PLGLB1: variants seen among roughly 807,000 people sequenced by gnomAD.
PLGLB1 encodes the protein plasminogen-like protein B.
rs202037592 is a variant in PLGLB1, at chr2:87,020,805, A to T, written c.49+930T>A. On this transcript the variant is annotated intron_variant, in intron 1 of 3. Transcript: ENST00000355705. Reference sequence around the variant, plus strand: ...TTATATCTCAATAAAGCTTTTTTTTAAAAAAAGAAAAAGAAAAAGAACTAC... The same window carrying T: ...TTATATCTCAATAAAGCTTTTTTTTTAAAAAAGAAAAAGAAAAAGAACTAC... Among the ~76,000 whole-genome samples the T allele has an allele frequency of 3.8e-3, 560 of 146,210 alleles. 4 individuals are homozygous for T. The highest frequency in any genetic ancestry group is 0.012 in the South Asian group (57 of 4,794).
At chr2:87,017,198 G>A (rs1266652675) in intron 2 of PLGLB1, among the ~76,000 whole-genome samples, 2 of 140,218 alleles carry the variant, frequency 1.4e-5, no homozygotes, top group Non-Finnish European at 1.6e-5. Flanking sequence ...GCAGGCACTG[G>A]ATCTTGTAGC....
chr2:87,019,850 T>A lies in PLGLB1; in HGVS notation c.49+1885A>T, dbSNP rs1244695439. On this transcript the variant is annotated intron_variant, in intron 1 of 3. Coordinates refer to ENST00000355705, the MANE Select transcript of PLGLB1 (RefSeq NM_001032392.4). The stretch of plus-strand genomic sequence containing the variant: ...TAATTTGAAATAATTTTCCCCCATT[T>A]TTTTTTTCTCTTATTCACCTCTAGG... Among the ~76,000 whole-genome samples the A allele has an allele frequency of 2.6e-4, 24 of 91,990 alleles. 8 individuals carry two copies. The highest frequency in any genetic ancestry group is 3.5e-4 in the Non-Finnish European group (18 of 51,634). The allele number at this position is 91,990 out of a possible 152,430, so 60.3% of individuals were successfully genotyped here.
rs532348860 is a variant in PLGLB1 at position 87,021,227 on chromosome 2, G to A, written c.49+508C>T. 1.1e-3 allele frequency among the ~76,000 whole-genome samples: 97 copies of A among 87,392 alleles called. 1 individual carries two copies. The highest frequency in any genetic ancestry group is 1.8e-3 in the Non-Finnish European group (77 of 42,720). 57.3% of individuals were successfully genotyped at this position (87,392 alleles called of 152,430 possible). A position where few individuals can be genotyped will look rare whatever the true frequency, so the allele number is the denominator to read the frequency against. ...ATTTTTCCGGGGATTAGAGGCAAAC[G>A]TATACTGATGGAAAGCCTTCCTCAG... On this transcript the variant is annotated intron_variant, in intron 1 of 3. Transcript: ENST00000355705.
chr2:87,021,103 T>G (rs1682411875), intron 1 of PLGLB1, among the ~76,000 whole-genome samples: 1 of 135,586 alleles, frequency 7.4e-6, no homozygotes, highest in Non-Finnish European at 1.6e-5. Flanking sequence ...CACACAGGTA[T>G]GTATGTATGT....
Position 87,010,982 on chromosome 2 carries a change from C to T in PLGLB1, c.*2139G>A, listed in dbSNP as rs1370539046. 22 of 183,680 alleles carry T rather than the reference C, an allele frequency of 1.2e-4. 2 individuals carry two copies. The highest frequency in any genetic ancestry group is 4.5e-4 in the South Asian group (9 of 20,044). The allele number at this position is 183,680 out of a possible 1,614,324, so 11.4% of individuals were successfully genotyped here. On this transcript the variant is annotated 3_prime_UTR_variant, in exon 4 of 4. Coordinates refer to ENST00000355705, the MANE Select transcript of PLGLB1 (RefSeq NM_001032392.4). ...TCCTTTCCGAGAGGTGAACACGTTA[C>T]GCAATTATTAATAATATCCCTGTGG...
chr2:87,021,039 C>T (rs1408726640), intron 1 of PLGLB1, among the ~76,000 whole-genome samples: 13 of 150,738 alleles, frequency 8.6e-5, no homozygotes, highest in African/African-American at 2.9e-4. Context: ...CTACCTATAC[C>T]GCGAGCTAAA....
intron 1 of PLGLB1, among the ~76,000 whole-genome samples, chr2:87,020,929 T>G (rs1277897131): frequency 2.6e-5 from 4 of 151,694 alleles, no homozygotes; most frequent in African/African-American, 9.7e-5. Flanking sequence ...AATCCAGTTT[T>G]CTTTATTTCC....
intron 1 of PLGLB1, among the ~76,000 whole-genome samples, chr2:87,019,041 A>G (rs1682377470): frequency 9.5e-6 from 1 of 105,292 alleles, no homozygotes; most frequent in African/African-American, 4.8e-5. Context: ...TGGGTTATAG[A>G]GTGACGAGGA....
At chr2:87,019,637 GT>G (rs1167739208) in intron 1 of PLGLB1, among the ~76,000 whole-genome samples, 1 of 98,578 alleles carries the variant, frequency 1.0e-5, no homozygotes, top group Non-Finnish European at 1.9e-5. Context: ...TTTCTGAAGA[GT>G]TTTTTTGAAG....
Position 87,019,157 on chromosome 2 carries a change from A to T in PLGLB1, c.50-1469T>A, listed in dbSNP as rs2138304. Among the ~76,000 whole-genome samples the T allele has an allele frequency of 5.2e-3, 295 of 56,470 alleles. 102 individuals are homozygous for T. The highest frequency in any genetic ancestry group is 0.028 in the African/African-American group (271 of 9,840). 37.0% of individuals were successfully genotyped at this position (56,470 alleles called of 152,430 possible). A position where few individuals can be genotyped will look rare whatever the true frequency, so the allele number is the denominator to read the frequency against. ...TCTGAAAGATGACACACTGCAGAGC[A>T]CACTGGTTTGTATGCTGATGACAAA... On this transcript the variant is annotated intron_variant, in intron 1 of 3. Transcript: ENST00000355705.
Position 87,013,068 on chromosome 2 carries a change from A to G in PLGLB1, c.*53T>C, listed in dbSNP as rs1682259517. On this transcript the variant is annotated 3_prime_UTR_variant, in exon 4 of 4. Coordinates refer to ENST00000355705, the MANE Select transcript of PLGLB1 (RefSeq NM_001032392.4). ...GGTGATGCCATTTTTTGTTTTGGACATCGTCCCTCTGTAGTTCTTTCCATT... is the reference window on the plus strand; with the variant it reads ...GGTGATGCCATTTTTTGTTTTGGACGTCGTCCCTCTGTAGTTCTTTCCATT... The G allele has an allele frequency of 2.1e-6, 1 of 486,754 alleles. No individual in the cohort carries two copies. The highest frequency in any genetic ancestry group is 2.5e-5 in the Admixed American group (1 of 39,474). 30.2% of individuals were successfully genotyped at this position (486,754 alleles called of 1,614,324 possible).
intron 1 of PLGLB1, among the ~76,000 whole-genome samples, chr2:87,019,065 G>A (rs1266476130): frequency 1.2e-4 from 13 of 109,402 alleles, no homozygotes; most frequent in South Asian, 8.6e-4. Context: ...CAGTGGAGGC[G>A]GCAGCGGGAG....
At chr2:87,014,548 GTGA>G (rs1186017573) in intron 3 of PLGLB1, among the ~76,000 whole-genome samples, 4 of 124,282 alleles carry the variant, frequency 3.2e-5, no homozygotes, top group African/African-American at 5.6e-5. Context: ...TGCAAAGGAG[GTGA>G]TGATTGAGCT....
chr2:87,019,841 T>C lies in PLGLB1; in HGVS notation c.49+1894A>G, dbSNP rs1682392644. Among the ~76,000 whole-genome samples, 6 of 94,858 alleles carry C rather than the reference T, an allele frequency of 6.3e-5. 2 individuals carry two copies. The highest frequency in any genetic ancestry group is 1.8e-4 in the Admixed American group (2 of 11,296). 62.2% of individuals were successfully genotyped at this position (94,858 alleles called of 152,430 possible). On this transcript the variant is annotated intron_variant, in intron 1 of 3. Transcript: ENST00000355705. ...TTTTCTTTTTAATTTGAAATAATTT[T>C]CCCCCATTTTTTTTTTCTCTTATTC...
chr2:87,018,970 TAGACAACA>T (rs1410831929), intron 1 of PLGLB1, among the ~76,000 whole-genome samples: 1 of 42,874 alleles, frequency 2.3e-5, no homozygotes, highest in Non-Finnish European at 3.9e-5. Flanking sequence ...TCCATGGAAT[TAGACAACA>T]GGACAACCTT....
intron 1 of PLGLB1, among the ~76,000 whole-genome samples, chr2:87,020,885 A>G (rs1682406104): frequency 6.7e-6 from 1 of 149,538 alleles, no homozygotes; most frequent in Non-Finnish European, 1.5e-5. Flanking sequence ...AAAAGTGAGA[A>G]GAGCCCTAGA....
intron 1 of PLGLB1, 160 bp from the exon 2 acceptor site, chr2:87,017,848 A>G: frequency 6.9e-4 from 1 of 1,452 alleles, no homozygotes; most frequent in Admixed American, 2.4e-3. Flanking sequence ...TGTTTAGTTA[A>G]GAACACACAG....
At chr2:87,021,274 C>T (rs966869701) in intron 1 of PLGLB1, among the ~76,000 whole-genome samples, 4 of 63,204 alleles carry the variant, frequency 6.3e-5, no homozygotes, top group Admixed American at 6.1e-4. Context: ...GGGAGAAATG[C>T]TGAATCCCTG....
rs1354433886 is a variant in PLGLB1 at position 87,011,969 on chromosome 2, T to TG, written c.*1151dup. On this transcript the variant is annotated 3_prime_UTR_variant, in exon 4 of 4. Coordinates refer to ENST00000355705, the MANE Select transcript of PLGLB1 (RefSeq NM_001032392.4). ...TTTCTGGTTCTTCTGTGAACCTATT[T>TG]GGGTAACCCCCACCCCCCAAGACCT... 4.5e-5 allele frequency among the ~76,000 whole-genome samples: 1 copy of TG among 22,174 alleles called. No homozygotes were observed. Among genetic ancestry groups the TG allele is most frequent in the African/African-American group, 1.7e-4 (1 of 5,862 alleles). 14.5% of individuals were successfully genotyped at this position (22,174 alleles called of 152,430 possible).
Sources: gnomAD v4.1 joint callset for allele counts (sites outside exome capture counted in the v4.1 genomes callset) on GRCh38, gnomAD v4.1.1 for gene constraint, MANE v1.5 for transcripts, NCBI Gene and HGNC (gene_info 2026-07-23, HGNC 2026-07-21) for gene names.